FRMPD1: variants seen among roughly 807,000 people sequenced by gnomAD.
FRMPD1 encodes FERM and PDZ domain containing 1.
FRMPD1 carries 76 observed loss-of-function variants against 117.8 expected under a neutral mutation model. That is an observed-to-expected ratio of 0.65 (90% confidence interval 0.54 to 0.78). The LOEUF is 0.78. FRMPD1 is among the 30% of genes least tolerant of loss of function. FRMPD1 has a pLI of 0.00. For synonymous variants in FRMPD1, 783 were observed against 770.4 expected (o/e 1.02, Z -0.27); for missense variants, 1,786 against 1,964.5 (o/e 0.91, Z 1.72).
In FRMPD1 at chr9:37,744,667, G is replaced by T; in HGVS notation, c.2635G>T (p.Ala879Ser). 6.2e-7 allele frequency: 1 copy of T among 1,614,022 alleles called. No individual in the cohort carries two copies. Among genetic ancestry groups the T allele is most frequent in the Non-Finnish European group, 8.5e-7 (1 of 1,180,006 alleles). ...CAGGGAGCCCTACCTGGCCCTTGGT[G>T]CACCCTCCCCAACTGTGTCCTCTCT... ...YDREPYLALG[A>S]PSPTVSSLQD... Residue 879 changes from alanine to serine, a missense_variant, in exon 16 of 16, where the codon GCA (alanine) becomes TCA (serine). Transcript: ENST00000377765.
chr9:37,745,367 G>A lies in FRMPD1; in HGVS notation c.3335G>A (p.Arg1112Lys). The change falls in exon 16 of 16, where the codon AGA (arginine) becomes AAA (lysine). Residue 1112 changes from arginine (R) to lysine (K), a missense_variant. Coordinates refer to ENST00000377765, the MANE Select transcript of FRMPD1 (RefSeq NM_014907.3). ...CCACAAGGACAACTATCTCTGGAAA[G>A]AGACAGAGAAGTTACAAACAAAAAT... ...EEPQGQLSLERDREVTNKNGT... is the reference protein window; with the variant it reads ...EEPQGQLSLEKDREVTNKNGT... 6.2e-7 allele frequency: 1 copy of A among 1,613,894 alleles called. No individual in the cohort carries two copies. Among genetic ancestry groups the A allele is most frequent in the Non-Finnish European group, 8.5e-7 (1 of 1,179,714 alleles).
chr9:37,655,209 T>C (rs563402354), intron 1 of FRMPD1, among the ~76,000 whole-genome samples: 1 of 152,304 alleles, frequency 6.6e-6, no homozygotes, highest in East Asian at 1.9e-4. Flanking sequence ...ATCTACTCAG[T>C]AAGGACCAAG....
At chr9:37,736,452 A>G (rs57288574) in intron 13 of FRMPD1, among the ~76,000 whole-genome samples, 4 of 149,984 alleles carry the variant, frequency 2.7e-5, no homozygotes, top group African/African-American at 7.4e-5. Flanking sequence ...AATCACTTAA[A>G]CCCAGGAGGC....
the FRMPD1 span, among the ~76,000 whole-genome samples, chr9:37,623,163 A>G: frequency 1.3e-5 from 2 of 152,234 alleles, no homozygotes; most frequent in Non-Finnish European, 2.9e-5. Flanking sequence ...AGGGGATGCT[A>G]CATTCATTGA....
rs748431880 is a variant in FRMPD1 at position 37,744,899 on chromosome 9, C to G, written c.2867C>G (p.Ser956Cys). Residue 956 changes from serine to cysteine, a missense_variant, in exon 16 of 16, where the codon TCT becomes TGT. Transcript: ENST00000377765. ...ATTGACCCCAACAATAAAGAGAATTCTGGTGTTGTCCCTGCTGCCAGCTCC... is the reference window on the plus strand; with the variant it reads ...ATTGACCCCAACAATAAAGAGAATTGTGGTGTTGTCCCTGCTGCCAGCTCC... The part of the protein sequence containing the change: ...FRIDPNNKEN[S>C]GVVPAASSSA... The G allele has an allele frequency of 1.2e-5, 20 of 1,614,092 alleles. No homozygotes were observed. The highest frequency in any genetic ancestry group is 5.1e-6 in the Non-Finnish European group (6 of 1,180,032).
chr9:37,735,884 C>T (rs1039118066), intron 13 of FRMPD1, 150 bp downstream of exon 13: 23 of 607,364 alleles, frequency 3.8e-5, no homozygotes, highest in Non-Finnish European at 5.2e-5. Flanking sequence ...TTCTATCAAA[C>T]GGAAAGTGGT....
At chr9:37,737,042 T>G in intron 13 of FRMPD1, 54 bp from the exon 14 acceptor site, 1 of 1,462,298 alleles carries the variant, frequency 6.8e-7, no homozygotes, top group Non-Finnish European at 9.5e-7. Flanking sequence ...GTTGTCAGTC[T>G]TCAGACTGTC....
chr9:37,615,691 G>C, the FRMPD1 span, among the ~76,000 whole-genome samples: 1 of 152,078 alleles, frequency 6.6e-6, no homozygotes, highest in African/African-American at 2.4e-5. Flanking sequence ...CCAAGCCCCA[G>C]ATGGCTTAGA....
the FRMPD1 span, chr9:37,637,025 A>C: frequency 6.5e-7 from 1 of 1,550,026 alleles, no homozygotes; most frequent in Non-Finnish European, 8.9e-7. Flanking sequence ...CTGGTCAGTG[A>C]CGTCATATAC....
chr9:37,729,697 C>T (rs751858349), intron 7 of FRMPD1, 31 bp from the exon 8 acceptor site: 81 of 1,609,198 alleles, frequency 5.0e-5, no homozygotes, highest in Middle Eastern at 1.6e-4. Flanking sequence ...CTGTTTCTTG[C>T]GTAACTCCTG....
At chr9:37,608,386 CT>C in the FRMPD1 span, among the ~76,000 whole-genome samples, 29,063 of 148,778 alleles carry the variant, frequency 0.2, 2,929 homozygotes, top group Admixed American at 0.23. Context: ...CTCTTTCTTT[CT>C]TTTTTTTTTT....
In FRMPD1 at chr9:37,729,715, C is replaced by G. The variant is rs367796540; in HGVS notation, c.613-13C>G. On this transcript the variant is annotated splice_polypyrimidine_tract_variant and intron_variant, in intron 7 of 15. Transcript: ENST00000377765. ...TTTCTTGCGTAACTCCTGCACCTCT[C>G]TGTGCCTGCTAGGACATCATCCTCA... 3.1e-6 allele frequency: 5 copies of G among 1,613,114 alleles called. No individual in the cohort carries two copies. The African/African-American group carries it at 6.7e-5, about 22-fold the overall frequency.
chr9:37,729,596 C>A, intron 7 of FRMPD1, 132 bp from the exon 8 acceptor site: 1 of 890,690 alleles, frequency 1.1e-6, no homozygotes, highest in Non-Finnish European at 1.8e-6. Context: ...TGGGACCAGA[C>A]TCTGGCGTAA....
At chr9:37,720,241 A>G (rs1353806464) in intron 6 of FRMPD1, among the ~76,000 whole-genome samples, 1 of 152,250 alleles carries the variant, frequency 6.6e-6, no homozygotes, top group African/African-American at 2.4e-5. Flanking sequence ...AGTTGGCAAT[A>G]TTTGAGTCAT....
rs750624125 is a variant in FRMPD1, at chr9:37,746,502, G to A, written c.4470G>A (p.Val1490=). ...DQSPEEMQGA[V]RDTFQHLVQL... is the part of the protein sequence containing the mutation. ...CCCCCGAAGAGATGCAGGGGGCCGT[G>A]CGTGACACCTTCCAGCACCTGGTCC... The change falls in exon 16 of 16, where the codon GTG becomes GTA. Residue 1490 remains valine (V), a synonymous_variant. Coordinates refer to ENST00000377765, the MANE Select transcript of FRMPD1 (RefSeq NM_014907.3). 6.2e-7 allele frequency: 1 copy of A among 1,613,708 alleles called. No homozygotes were observed. The highest frequency in any genetic ancestry group is 1.1e-5 in the South Asian group (1 of 91,090).
chr9:37,668,236 C>T (rs903336535), intron 1 of FRMPD1: 5 of 152,280 alleles, frequency 3.3e-5, no homozygotes, highest in African/African-American at 9.6e-5. Flanking sequence ...CTGTGCCTGT[C>T]GTGCTGAAAG....
At chr9:37,724,353 A>G in intron 7 of FRMPD1, 33 bp downstream of exon 7, 2 of 1,184,326 alleles carry the variant, frequency 1.7e-6, no homozygotes, top group Non-Finnish European at 2.5e-6. Context: ...TCTTTTCCCA[A>G]GAAGAATGTT....
At chr9:37,608,408 CTCTT>C in the FRMPD1 span, among the ~76,000 whole-genome samples, 76 of 143,864 alleles carry the variant, frequency 5.3e-4, no homozygotes, top group East Asian at 0.013. Context: ...CTATCTTTCT[CTCTT>C]TCTTTCTTTC....
rs553640785 is a variant in FRMPD1, at chr9:37,665,538, A to AT, written c.-5+14452dup. ...AGCTTTGGGGGAAGGAAATAGATTG[A>AT]TTTTTTTTCCCCTTGAACTTCTGAA... On this transcript the variant is annotated intron_variant, in intron 1 of 15. Coordinates refer to ENST00000377765, the MANE Select transcript of FRMPD1 (RefSeq NM_014907.3). Among the ~76,000 whole-genome samples the AT allele has an allele frequency of 2.0e-3, 311 of 152,094 alleles. 1 individual carries two copies. The highest frequency in any genetic ancestry group is 4.1e-3 in the Non-Finnish European group (276 of 67,982).
Sources: allele counts gnomAD v4.1 joint callset (sites outside exome capture counted in the v4.1 genomes callset), GRCh38; gene constraint gnomAD v4.1.1; transcripts MANE v1.5; gene names NCBI Gene and HGNC (gene_info 2026-07-23, HGNC 2026-07-21).